SHISA9: variants seen among roughly 807,000 people sequenced by gnomAD.
SHISA9 encodes shisa family member 9.
A neutral mutation model predicts 38.0 loss-of-function variants in SHISA9; 13 were observed. The ratio of observed to expected loss-of-function variants is 0.34; its 90% CI spans 0.22 to 0.54. The LOEUF is 0.54. Ranked by LOEUF, SHISA9 falls within the 20% of genes least tolerant of loss-of-function variation. The probability of loss-of-function intolerance (pLI) is 0.91; values close to 1 mark genes in which losing one functional copy is unlikely to be tolerated. For synonymous variants in SHISA9, 275 were observed against 242.0 expected (o/e 1.14, Z -1.27); for missense variants, 538 against 575.8 (o/e 0.93, Z 0.67).
intron 2 of SHISA9, among the ~76,000 whole-genome samples, chr16:12,990,788 T>C (rs773522986): frequency 2.0e-5 from 3 of 152,204 alleles, no homozygotes; most frequent in Non-Finnish European, 4.4e-5. Flanking sequence ...TCAATTGTAC[T>C]GTGGTTGAGA....
At chr16:13,215,222 G>C (rs1326383357) in intron 4 of SHISA9, among the ~76,000 whole-genome samples, 1 of 152,124 alleles carries the variant, frequency 6.6e-6, no homozygotes, top group Non-Finnish European at 1.5e-5. Context: ...TCACTTGGAG[G>C]GTTGTTACAA....
the SHISA9 span, among the ~76,000 whole-genome samples, chr16:13,276,739 C>A: frequency 6.6e-6 from 1 of 151,944 alleles, no homozygotes; most frequent in Non-Finnish European, 1.5e-5. Flanking sequence ...CTATTCATAT[C>A]CTTAGACCAC....
intron 2 of SHISA9, among the ~76,000 whole-genome samples, chr16:13,083,299 T>C (rs1237119429): frequency 1.3e-5 from 2 of 152,192 alleles, no homozygotes; most frequent in African/African-American, 4.8e-5. Context: ...CATGGTCTCA[T>C]GCGTCATCTC....
chr16:13,030,135 T>C (rs2072973390), intron 2 of SHISA9, among the ~76,000 whole-genome samples: 1 of 152,158 alleles, frequency 6.6e-6, no homozygotes, highest in Admixed American at 6.5e-5. Context: ...AAATGGAGTA[T>C]TTATCTATAG....
chr16:12,972,923 C>T (rs1259075238), intron 2 of SHISA9, among the ~76,000 whole-genome samples: 2 of 152,100 alleles, frequency 1.3e-5, no homozygotes, highest in Non-Finnish European at 2.9e-5. Context: ...CAAGACCAGC[C>T]TGGCCAACAT....
At chr16:13,321,467 A>G in the SHISA9 span, among the ~76,000 whole-genome samples, 3 of 152,232 alleles carry the variant, frequency 2.0e-5, no homozygotes, top group Non-Finnish European at 4.4e-5. Flanking sequence ...TCCAGAAGTC[A>G]TCTGTTAAAA....
chr16:13,244,201 C>T (rs1223452839), downstream of SHISA9, among the ~76,000 whole-genome samples: 1 of 152,044 alleles, frequency 6.6e-6, no homozygotes, highest in Non-Finnish European at 1.5e-5. Context: ...AAATAAAATA[C>T]ATAGAATTAC....
chr16:12,999,801 G>C (rs1017034965), intron 2 of SHISA9, among the ~76,000 whole-genome samples: 1 of 152,170 alleles, frequency 6.6e-6, no homozygotes, highest in Non-Finnish European at 1.5e-5. Flanking sequence ...GCAGGAAGAT[G>C]AACATGGAGG....
At chr16:13,255,758 T>C in the SHISA9 span, among the ~76,000 whole-genome samples, 4 of 152,234 alleles carry the variant, frequency 2.6e-5, no homozygotes, top group African/African-American at 9.6e-5. Context: ...CTGCTATATG[T>C]GGTAGGTCTA....
At chr16:13,420,471 A>C in the SHISA9 span, among the ~76,000 whole-genome samples, 5 of 152,142 alleles carry the variant, frequency 3.3e-5, no homozygotes, top group South Asian at 1.0e-3. Context: ...AGAAACCAGA[A>C]ATGTCTTTCC....
the SHISA9 span, among the ~76,000 whole-genome samples, chr16:13,319,893 T>A: frequency 6.6e-6 from 1 of 151,974 alleles, no homozygotes; most frequent in Non-Finnish European, 1.5e-5. Context: ...TTACATTTGT[T>A]TTGATATTTG....
the SHISA9 span, among the ~76,000 whole-genome samples, chr16:13,293,601 G>A: frequency 1.3e-5 from 2 of 152,140 alleles, no homozygotes; most frequent in African/African-American, 2.4e-5. Flanking sequence ...CACAAAACAA[G>A]CACCTGATAA....
At chr16:13,419,674 A>G in the SHISA9 span, among the ~76,000 whole-genome samples, 2 of 152,180 alleles carry the variant, frequency 1.3e-5, no homozygotes, top group Non-Finnish European at 2.9e-5. Flanking sequence ...TTGGCCAGAT[A>G]GTAAGTACTT....
intron 2 of SHISA9, among the ~76,000 whole-genome samples, chr16:13,039,846 C>G (rs1232461970): frequency 2.0e-5 from 3 of 152,254 alleles, no homozygotes; most frequent in African/African-American, 7.2e-5. Context: ...CAGGCCCTGA[C>G]AGTTTACAGC....
At chr16:13,532,544 T>A in the SHISA9 span, among the ~76,000 whole-genome samples, 1 of 104,956 alleles carries the variant, frequency 9.5e-6, no homozygotes. Flanking sequence ...AATAATACTA[T>A]GTGCGTGTGT....
chr16:13,121,902 G>T (rs1386159223), intron 2 of SHISA9, among the ~76,000 whole-genome samples: 1 of 145,780 alleles, frequency 6.9e-6, no homozygotes, highest in African/African-American at 2.5e-5. Context: ...CTACATAACA[G>T]ACATAATTAG....
At chr16:13,113,040 T>C (rs929136753) in intron 2 of SHISA9, among the ~76,000 whole-genome samples, 1 of 151,586 alleles carries the variant, frequency 6.6e-6, no homozygotes, top group African/African-American at 2.4e-5. Flanking sequence ...TAAAACCCCA[T>C]CTCTATTAAA....
intron 2 of SHISA9, among the ~76,000 whole-genome samples, chr16:13,143,020 T>TTTTA (rs2050415519): frequency 6.6e-6 from 1 of 150,836 alleles, no homozygotes; most frequent in African/African-American, 2.4e-5. Flanking sequence ...TTTTATTTTA[T>TTTTA]TTTAAGACAG....
At chr16:12,955,446 C>A (rs759219687) in intron 2 of SHISA9, among the ~76,000 whole-genome samples, 62 of 152,016 alleles carry the variant, frequency 4.1e-4, no homozygotes, top group Admixed American at 2.4e-3. Flanking sequence ...TTCCTAGAGA[C>A]AAACTCATGT....
Sources: allele counts gnomAD v4.1 joint callset (sites outside exome capture counted in the v4.1 genomes callset), GRCh38; gene constraint gnomAD v4.1.1; transcripts MANE v1.5; gene names NCBI Gene and HGNC (gene_info 2026-07-23, HGNC 2026-07-21).